The following TPRKB variants were observed in gnomAD, a reference collection of about 807,000 sequenced individuals.
TPRKB encodes TP53RK binding protein.
TPRKB carries 11 observed loss-of-function variants against 17.8 expected under a neutral mutation model. That is an observed-to-expected ratio of 0.62 (90% CI 0.39 to 1.02). The LOEUF (loss-of-function observed/expected upper bound fraction) is 1.02, where lower values mean the gene tolerates loss of function less well. Among genes scored for constraint, TPRKB ranks in the 50% least tolerant of loss-of-function variants. TPRKB has a pLI of 0.00. For missense variants in TPRKB, 228 were observed against 198.0 expected (o/e 1.15, Z -0.91); for synonymous variants, 71 against 69.5 (o/e 1.02, Z -0.11).
chr2:73,733,417 C>G (rs1048269364), intron 2 of TPRKB, among the ~76,000 whole-genome samples: 1 of 152,038 alleles, frequency 6.6e-6, no homozygotes, highest in Non-Finnish European at 1.5e-5. Flanking sequence ...CACCACCACA[C>G]CCAGCTACTT....
rs531699729 is a variant in TPRKB, at chr2:73,734,185, G to A, written c.141+244C>T. ...GCAATCTTGGCTCACTGCAACCTCT[G>A]CCTCCAGGGTTCAAATGATTTTCCT... On this transcript the variant is annotated intron_variant, in intron 2 of 4. Coordinates refer to ENST00000272424, the MANE Select transcript of TPRKB (RefSeq NM_016058.5). Among the ~76,000 whole-genome samples the A allele has an allele frequency of 1.9e-4, 29 of 151,726 alleles. 1 individual carries two copies. Among genetic ancestry groups the A allele is most frequent in the South Asian group, 8.3e-4 (4 of 4,794 alleles).
At chr2:73,736,880 T>C (rs1317829638) in intron 1 of TPRKB, among the ~76,000 whole-genome samples, 1 of 152,176 alleles carries the variant, frequency 6.6e-6, no homozygotes, top group African/African-American at 2.4e-5. Context: ...ACCGCCGCAA[T>C]GGCCTTCTCT....
intron 4 of TPRKB, 77 bp downstream of exon 4, chr2:73,730,483 C>G (rs1480069809): frequency 3.9e-6 from 4 of 1,034,720 alleles, no homozygotes; most frequent in Non-Finnish European, 5.6e-6. Flanking sequence ...ACAAGGAGCT[C>G]TGGTGATCAA....
Position 73,733,931 on chromosome 2 carries a change from C to A in TPRKB, c.141+498G>T, listed in dbSNP as rs372945939. On this transcript the variant is annotated intron_variant, in intron 2 of 4. Transcript: ENST00000272424. ...CTCCCAGGCTCAAGCGATTCTCCTG[C>A]CTCAGTCTCCTGAGTACAGGTGCCC... is the stretch of plus-strand genomic sequence containing the variant. 4.7e-5 allele frequency among the ~76,000 whole-genome samples: 7 copies of A among 150,456 alleles called. No homozygotes were observed. In the East Asian group the frequency reaches 1.4e-3, roughly 29 times the overall value.
At chr2:73,735,290 CCA>C (rs1273419142) in intron 1 of TPRKB, among the ~76,000 whole-genome samples, 1 of 151,666 alleles carries the variant, frequency 6.6e-6, no homozygotes, top group Non-Finnish European at 1.5e-5. Context: ...CGAGATCATA[CCA>C]TTGCACCCCA....
chr2:73,730,291 C>T (rs1333952639), intron 4 of TPRKB: 1 of 421,626 alleles, frequency 2.4e-6, no homozygotes, highest in African/African-American at 2.1e-5. Flanking sequence ...ATTTATTTTA[C>T]ATTTTAAATA....
At chr2:73,730,206 C>T (rs1671533847) in intron 4 of TPRKB, 177 bp from the exon 5 acceptor site, 5 of 692,604 alleles carry the variant, frequency 7.2e-6, no homozygotes, top group Middle Eastern at 4.5e-4. Context: ...CTTGTATCCC[C>T]TTTAAATTGC....
Position 73,734,463 on chromosome 2 carries a change from C to A in TPRKB, c.107G>T (p.Gly36Val). Residue 36 changes from glycine to valine, a missense_variant, in exon 2 of 5, where the codon GGC becomes GTC. Transcript: ENST00000272424. ...ATTTATCAGTGATCCATCGATGGTG[C>A]CTTCCATGGCCTTTCTTCTCAAGTC... ...AGDLRRKAME[G>V]TIDGSLINPT... The A allele has an allele frequency of 6.2e-7, 1 of 1,613,718 alleles. No individual in the cohort carries two copies. Among genetic ancestry groups the A allele is most frequent in the Non-Finnish European group, 8.5e-7 (1 of 1,179,880 alleles).
intron 1 of TPRKB, among the ~76,000 whole-genome samples, chr2:73,736,208 T>C (rs1475441768): frequency 5.3e-5 from 8 of 152,280 alleles, no homozygotes; most frequent in Non-Finnish European, 1.0e-4. Flanking sequence ...TCATTAGTCA[T>C]GCTAAGGTGG....
intron 2 of TPRKB, among the ~76,000 whole-genome samples, chr2:73,732,937 CAGTAGT>C (rs1192870237): frequency 4.6e-5 from 7 of 151,926 alleles, no homozygotes; most frequent in Non-Finnish European, 8.8e-5. Context: ...GTAGTAGTAG[CAGTAGT>C]AGTAGTATGT....
Position 73,730,571 on chromosome 2 carries a change from CTG to C in TPRKB, c.428_429del (p.Thr143ArgfsTer7). On this transcript the variant is annotated frameshift_variant, in exon 4 of 5. Transcript: ENST00000272424. LOFTEE classifies it high-confidence loss of function. ...LKNLPEIMNITEVKKIYKLSS... is the reference protein window; with the variant it reads ...LKNLPEIMNIXEVKKIYKLSS... ...ATGGACTGGCAAACCTTTTTGACTT[CTG>C]TAATATTCATTATTTCAGGAAGATT... is the stretch of plus-strand genomic sequence containing the variant. The C allele has an allele frequency of 6.3e-7, 1 of 1,586,834 alleles. No homozygotes were observed.
chr2:73,733,670 C>T (rs1386719116), intron 2 of TPRKB, among the ~76,000 whole-genome samples: 1 of 152,166 alleles, frequency 6.6e-6, no homozygotes, highest in African/African-American at 2.4e-5. Flanking sequence ...CCTGGCACTT[C>T]TGCCTCTATT....
chr2:73,734,650 T>G, intron 1 of TPRKB, 59 bp from the exon 2 acceptor site: 1 of 1,397,496 alleles, frequency 7.2e-7, no homozygotes, highest in East Asian at 2.4e-5. Context: ...CAGAACTCAT[T>G]TCTTAATAAA....
Position 73,731,372 on chromosome 2 carries a change from A to C in TPRKB, c.265-636T>G, listed in dbSNP as rs577247165. Among the ~76,000 whole-genome samples, 12 of 152,348 alleles carry C rather than the reference A, an allele frequency of 7.9e-5. No homozygotes were observed. The South Asian group carries it at 2.5e-3, about 32-fold the overall frequency. ...AAATGGAACGGGGAAAAAGTTCAAC[A>C]GATGTTTACTGAATTCAAGAGTTTT... On this transcript the variant is annotated intron_variant, in intron 3 of 4. Transcript: ENST00000272424.
At chr2:73,731,540 T>A (rs763533863) in intron 3 of TPRKB, among the ~76,000 whole-genome samples, 22 of 152,248 alleles carry the variant, frequency 1.4e-4, no homozygotes, top group Non-Finnish European at 2.6e-4. Context: ...ACAGGTTTCC[T>A]GTAGATGACA....
rs201285789 is a variant in TPRKB, at chr2:73,730,780, A to G, written c.265-44T>C. The G allele has an allele frequency of 5.2e-6, 7 of 1,356,556 alleles. No homozygotes were observed. The African/African-American group carries it at 9.1e-5, about 18-fold the overall frequency. The allele number at this position is 1,356,556 out of a possible 1,614,324, so 84.0% of individuals were successfully genotyped here. On this transcript the variant is annotated intron_variant, in intron 3 of 4. Coordinates refer to ENST00000272424, the MANE Select transcript of TPRKB (RefSeq NM_016058.5). ...AAAAAAAAACACAAGATCATTAACC[A>G]TTGTTTCCTACGTCTGAAACATTTC...
chr2:73,730,630 G>C lies in TPRKB; in HGVS notation c.371C>G (p.Ser124Cys). 6.3e-7 allele frequency: 1 copy of C among 1,591,390 alleles called. No individual in the cohort carries two copies. The highest frequency in any genetic ancestry group is 1.2e-5 in the South Asian group (1 of 86,610). The stretch of plus-strand genomic sequence containing the variant: ...AGAAACCTGATGACCTTCTACTTGA[G>C]ATATTAGGTATTCTTGATTTATTTG... ...EKQINQEYLISQVEGHQVSLK... is the reference protein window; with the variant it reads ...EKQINQEYLICQVEGHQVSLK... Residue 124 changes from serine to cysteine, a missense_variant, in exon 4 of 5, where the codon TCT (serine) becomes TGT (cysteine). Physicochemically the swap from Ser to Cys is moderately radical, Grantham distance 112 (BLOSUM62 -1). Coordinates refer to ENST00000272424, the MANE Select transcript of TPRKB (RefSeq NM_016058.5).
chr2:73,734,625 T>C (rs1671796547), intron 1 of TPRKB, 34 bp from the exon 2 acceptor site: 1 of 1,509,174 alleles, frequency 6.6e-7, no homozygotes, highest in East Asian at 2.3e-5. Flanking sequence ...AAAGATTTCA[T>C]TTAAAAGTTA....
In TPRKB at chr2:73,732,296, A is replaced by G. The variant is rs781249285; in HGVS notation, c.142-11T>C. The stretch of plus-strand genomic sequence containing the variant: ...AAATGGATCAACAATCTACCAAAGC[A>G]AGGAAAAAGAATTAATTACACATGG... On this transcript the variant is annotated splice_polypyrimidine_tract_variant and intron_variant, in intron 2 of 4. Transcript: ENST00000272424. 8.3e-5 allele frequency: 133 copies of G among 1,608,162 alleles called. 1 individual carries two copies. The highest frequency in any genetic ancestry group is 2.8e-5 in the Non-Finnish European group (33 of 1,178,406).
Sources: allele counts gnomAD v4.1 joint callset (sites outside exome capture counted in the v4.1 genomes callset), GRCh38; gene constraint gnomAD v4.1.1; transcripts MANE v1.5; gene names NCBI Gene and HGNC (gene_info 2026-07-23, HGNC 2026-07-21).